PLSCR5: variants seen among roughly 807,000 people sequenced by gnomAD.
PLSCR5 encodes phospholipid scramblase family, member 5.
A neutral mutation model predicts 33.6 loss-of-function variants in PLSCR5; 44 were observed. The ratio of observed to expected loss-of-function variants is 1.31; its 90% CI spans 1.03 to 1.69. The LOEUF (loss-of-function observed/expected upper bound fraction) is 1.69. Ranked by LOEUF, PLSCR5 falls within the 40% of genes most tolerant of loss-of-function variation. PLSCR5 has a pLI of 0.00. For missense variants in PLSCR5, 375 were observed against 318.7 expected (o/e 1.18, Z -1.34); for synonymous variants, 148 against 112.3 (o/e 1.32, Z -2.01).
chr3:146,597,896 T>A (rs995070120), intron 2 of PLSCR5, among the ~76,000 whole-genome samples: 5 of 152,202 alleles, frequency 3.3e-5, no homozygotes, highest in Non-Finnish European at 7.4e-5. Context: ...ATAAATTGGA[T>A]ATTTACATGT....
rs972160539 is a variant in PLSCR5 at position 146,605,271 on chromosome 3, G to C, written c.-59C>G. The C allele has an allele frequency of 5.0e-6, 8 of 1,608,404 alleles. No homozygotes were observed. The African/African-American group carries it at 9.4e-5, about 19-fold the overall frequency. On this transcript the variant is annotated 5_prime_UTR_variant, in exon 1 of 8. Coordinates refer to ENST00000443512, the MANE Select transcript of PLSCR5 (RefSeq NM_001085420.2). ...AGGTTGGAAAACAAAGGCTTTTCTT[G>C]TTGCAGCAAGGAGAGAAAACGCAGC...
Position 146,595,080 on chromosome 3 carries a change from C to A in PLSCR5, c.193G>T (p.Asp65Tyr). 7.0e-7 allele frequency: 1 copy of A among 1,418,718 alleles called. No homozygotes were observed. The highest frequency in any genetic ancestry group is 1.7e-5 in the South Asian group (1 of 57,842). 87.9% of individuals were successfully genotyped at this position (1,418,718 alleles called of 1,614,324 possible). A position where few individuals can be genotyped will look rare whatever the true frequency, so the allele number is the denominator to read the frequency against. Residue 65 changes from aspartate to tyrosine, a missense_variant, in exon 3 of 8, where the codon GAC (aspartate) becomes TAC (tyrosine). Transcript: ENST00000443512. ...ACCTGCTGGTGTATAATTATCAGGT[C>A]TAACTGTAAAGGATGACATAAAAGG... Reference protein sequence around the residue: ...PPGLEYLSQLDLIIIHQQVEL... With the variant: ...PPGLEYLSQLYLIIIHQQVEL...
rs753911022 is a variant in PLSCR5, at chr3:146,595,068, T to A, written c.205A>T (p.Ile69Leu). The A allele has an allele frequency of 1.6e-5, 23 of 1,433,636 alleles. 1 individual carries two copies. In the South Asian group the frequency reaches 3.6e-4, roughly 23 times the overall value. 88.8% of individuals were successfully genotyped at this position (1,433,636 alleles called of 1,614,324 possible). A position where few individuals can be genotyped will look rare whatever the true frequency, so the allele number is the denominator to read the frequency against. Residue 69 changes from isoleucine to leucine, a missense_variant, in exon 3 of 8, where the codon ATA becomes TTA. Physicochemically the swap from Ile to Leu is conservative, Grantham distance 5 (BLOSUM62 2). Coordinates refer to ENST00000443512, the MANE Select transcript of PLSCR5 (RefSeq NM_001085420.2). The part of the protein sequence containing the change: ...EYLSQLDLII[I>L]HQQVELLGMI... ...CCAAGCAGCTCCACCTGCTGGTGTA[T>A]AATTATCAGGTCTAACTGTAAAGGA...
In PLSCR5 at chr3:146,604,680, A is replaced by T. The variant is rs1241508448; in HGVS notation, c.13+520T>A. On this transcript the variant is annotated intron_variant, in intron 1 of 7. Coordinates refer to ENST00000443512, the MANE Select transcript of PLSCR5 (RefSeq NM_001085420.2). The stretch of plus-strand genomic sequence containing the variant: ...ACTCAAAGGCTGAATGCTTGATGGG[A>T]TGGATATCCCATTCCCCTTTATGTC... Among the ~76,000 whole-genome samples the T allele has an allele frequency of 1.1e-4, 17 of 152,066 alleles. 1 individual carries two copies. The highest frequency in any genetic ancestry group is 2.5e-4 in the Non-Finnish European group (17 of 67,988).
At chr3:146,604,236 G>T (rs896865556) in intron 1 of PLSCR5, among the ~76,000 whole-genome samples, 4 of 152,016 alleles carry the variant, frequency 2.6e-5, no homozygotes, top group Non-Finnish European at 5.9e-5. Flanking sequence ...TGAAATGAAA[G>T]CACATTATAA....
chr3:146,588,083 T>G (rs2044679631), intron 6 of PLSCR5, among the ~76,000 whole-genome samples: 2 of 152,102 alleles, frequency 1.3e-5, no homozygotes, highest in South Asian at 4.1e-4. Flanking sequence ...TATAAAAATT[T>G]CATGATTACC....
At chr3:146,593,372 T>C (rs2044730886) in intron 4 of PLSCR5, among the ~76,000 whole-genome samples, 1 of 152,142 alleles carries the variant, frequency 6.6e-6, no homozygotes, top group East Asian at 1.9e-4. Context: ...TTATTACAGG[T>C]GTACTAAATA....
rs764487014 is a variant in PLSCR5, at chr3:146,591,714, T to C, written c.615+6A>G. On this transcript the variant is annotated splice_donor_region_variant and intron_variant, in intron 5 of 7. Coordinates refer to ENST00000443512, the MANE Select transcript of PLSCR5 (RefSeq NM_001085420.2). Reference sequence around the variant, plus strand: ...ATGAAAACTTCTTTCATTTTGTCAATTGTACCTCAAAATCCACATCGCCAA... The same window carrying C: ...ATGAAAACTTCTTTCATTTTGTCAACTGTACCTCAAAATCCACATCGCCAA... 8 of 1,606,722 alleles carry C rather than the reference T, an allele frequency of 5.0e-6. No homozygotes were observed. The highest frequency in any genetic ancestry group is 2.7e-5 in the African/African-American group (2 of 74,762).
At chr3:146,580,192 A>T (rs1457321559) in intron 7 of PLSCR5, among the ~76,000 whole-genome samples, 1 of 152,102 alleles carries the variant, frequency 6.6e-6, no homozygotes, top group Non-Finnish European at 1.5e-5. Flanking sequence ...CCATACCTTC[A>T]GTTTCTAATG....
intron 6 of PLSCR5, among the ~76,000 whole-genome samples, chr3:146,588,568 T>C (rs796650756): frequency 1.3e-4 from 20 of 151,408 alleles, no homozygotes; most frequent in Non-Finnish European, 2.1e-4. Context: ...CACACACATA[T>C]ACACACACAC....
chr3:146,603,128 C>G (rs964965716), intron 1 of PLSCR5, among the ~76,000 whole-genome samples: 4 of 152,060 alleles, frequency 2.6e-5, no homozygotes, highest in African/African-American at 9.7e-5. Flanking sequence ...CTAATGGCAC[C>G]TGGTATTTAG....
intron 1 of PLSCR5, among the ~76,000 whole-genome samples, chr3:146,602,387 CAT>C (rs981223667): frequency 1.3e-5 from 2 of 152,116 alleles, no homozygotes; most frequent in East Asian, 1.9e-4. Context: ...TTCAGAAAAA[CAT>C]AGAAGCAAAA....
chr3:146,589,537 A>G lies in PLSCR5; in HGVS notation c.777+116T>C, dbSNP rs929763624. ...AACATTGGTCCTAAGCTATCCTTCT[A>G]TGAATAAAATATACTCTTTGGGGGT... On this transcript the variant is annotated intron_variant, in intron 6 of 7. Coordinates refer to ENST00000443512, the MANE Select transcript of PLSCR5 (RefSeq NM_001085420.2). The G allele has an allele frequency of 1.1e-5, 11 of 1,031,956 alleles. No homozygotes were observed. The African/African-American group carries it at 1.3e-4, about 12-fold the overall frequency. The allele number at this position is 1,031,956 out of a possible 1,614,324, so 63.9% of individuals were successfully genotyped here.
At chr3:146,590,108 T>C (rs1325187632) in intron 5 of PLSCR5, 1 of 198,234 alleles carries the variant, frequency 5.0e-6, no homozygotes, top group Non-Finnish European at 1.0e-5. Context: ...CACCACAAGA[T>C]GGCAGCAGGT....
At chr3:146,586,534 T>C (rs1426258766) in intron 6 of PLSCR5, among the ~76,000 whole-genome samples, 1 of 152,240 alleles carries the variant, frequency 6.6e-6, no homozygotes, top group Non-Finnish European at 1.5e-5. Context: ...CTGTATGCAT[T>C]CTGGGTCAGT....
At chr3:146,576,995 T>TA (rs1056599531) in intron 7 of PLSCR5, among the ~76,000 whole-genome samples, 10 of 151,738 alleles carry the variant, frequency 6.6e-5, no homozygotes, top group South Asian at 2.1e-4. Flanking sequence ...AGTCTTTTTT[T>TA]AAAAAAAAGA....
intron 1 of PLSCR5, among the ~76,000 whole-genome samples, chr3:146,604,159 A>G (rs1477597120): frequency 1.3e-5 from 2 of 152,112 alleles, no homozygotes; most frequent in Admixed American, 6.6e-5. Flanking sequence ...CACCAATTAT[A>G]CTAATTATAA....
At chr3:146,589,034 A>G (rs1458708813) in intron 6 of PLSCR5, among the ~76,000 whole-genome samples, 1 of 152,178 alleles carries the variant, frequency 6.6e-6, no homozygotes, top group Non-Finnish European at 1.5e-5. Flanking sequence ...TAAGAACAGG[A>G]TATAGGTCAA....
chr3:146,592,478 T>G (rs1199599101), intron 4 of PLSCR5, among the ~76,000 whole-genome samples: 1 of 152,142 alleles, frequency 6.6e-6, no homozygotes, highest in Non-Finnish European at 1.5e-5. Context: ...TACTTTAGCA[T>G]TTGACTCCAT....
Sources: gnomAD v4.1 joint callset for allele counts (sites outside exome capture counted in the v4.1 genomes callset) on GRCh38, gnomAD v4.1.1 for gene constraint, MANE v1.5 for transcripts, NCBI Gene and HGNC (gene_info 2026-07-23, HGNC 2026-07-21) for gene names.